The following RGS6 variants were observed in gnomAD, a reference collection of about 807,000 sequenced individuals.
RGS6 encodes the protein regulator of G protein signaling 6.
A neutral mutation model predicts 78.5 loss-of-function variants in RGS6; 30 were observed. The observed-to-expected ratio is 0.38, with a 90% CI of 0.29 to 0.52. The LOEUF (loss-of-function observed/expected upper bound fraction) is 0.52. Ranked by LOEUF, RGS6 falls within the 20% of genes least tolerant of loss-of-function variation. RGS6 has a pLI of 0.85. For missense variants in RGS6, 495 were observed against 609.7 expected (o/e 0.81, Z 1.98); for synonymous variants, 206 against 206.0 (o/e 1.00, Z 0.00).
intron 2 of RGS6, among the ~76,000 whole-genome samples, chr14:71,985,198 A>G (rs960209372): frequency 5.3e-5 from 8 of 151,744 alleles, no homozygotes; most frequent in Non-Finnish European, 1.0e-4. Flanking sequence ...ATCTCGGCTC[A>G]CTGCAACCGC....
intron 2 of RGS6, among the ~76,000 whole-genome samples, chr14:71,992,771 T>C (rs1287527520): frequency 6.6e-6 from 1 of 152,238 alleles, no homozygotes; most frequent in Non-Finnish European, 1.5e-5. Flanking sequence ...TTATATTTCT[T>C]GAGTGGTATA....
At chr14:71,917,649 A>G in the RGS6 span, among the ~76,000 whole-genome samples, 6 of 152,146 alleles carry the variant, frequency 3.9e-5, no homozygotes, top group Non-Finnish European at 7.3e-5. Flanking sequence ...TTAGCTGAAA[A>G]AAACAACACA....
chr14:72,205,370 C>T (rs1044756436), intron 2 of RGS6, among the ~76,000 whole-genome samples: 3 of 152,200 alleles, frequency 2.0e-5, no homozygotes, highest in African/African-American at 7.2e-5. Context: ...AGTTACTTCC[C>T]CTGGAGGGCT....
At chr14:72,059,857 T>G (rs1388694436) in intron 2 of RGS6, among the ~76,000 whole-genome samples, 1 of 152,186 alleles carries the variant, frequency 6.6e-6, no homozygotes, top group Non-Finnish European at 1.5e-5. Context: ...AGCCAGACAC[T>G]GCCTGATCTT....
intron 2 of RGS6, among the ~76,000 whole-genome samples, chr14:72,256,920 G>C (rs2057204581): frequency 6.6e-6 from 1 of 152,152 alleles, no homozygotes; most frequent in Non-Finnish European, 1.5e-5. Context: ...TGAGATTGGG[G>C]CTAGGCCTGC....
chr14:71,991,584 A>G (rs1438775582), intron 2 of RGS6, among the ~76,000 whole-genome samples: 1 of 152,186 alleles, frequency 6.6e-6, no homozygotes, highest in African/African-American at 2.4e-5. Flanking sequence ...TTCCGAAATT[A>G]TAGATAAGCC....
At chr14:72,004,574 C>T (rs2084142389) in intron 2 of RGS6, among the ~76,000 whole-genome samples, 2 of 152,164 alleles carry the variant, frequency 1.3e-5, no homozygotes. Context: ...TGGTTCATGC[C>T]TGTAATCCCA....
chr14:72,627,681 T>A, the RGS6 span, among the ~76,000 whole-genome samples: 1 of 152,056 alleles, frequency 6.6e-6, no homozygotes, highest in Non-Finnish European at 1.5e-5. Flanking sequence ...TCTAACTCCA[T>A]AAAAAAAGTT....
chr14:72,006,520 T>G (rs2084594782), intron 2 of RGS6, among the ~76,000 whole-genome samples: 1 of 152,230 alleles, frequency 6.6e-6, no homozygotes, highest in South Asian at 2.1e-4. Flanking sequence ...GAGGCTCATG[T>G]GGCAAGAGCT....
intron 2 of RGS6, among the ~76,000 whole-genome samples, chr14:72,048,811 G>T (rs951965113): frequency 1.3e-5 from 2 of 151,536 alleles, no homozygotes; most frequent in African/African-American, 2.4e-5. Context: ...ACAGTACATA[G>T]CCATTGCAGT....
intron 2 of RGS6, among the ~76,000 whole-genome samples, chr14:72,158,097 A>G (rs1386671113): frequency 1.3e-5 from 2 of 152,202 alleles, no homozygotes; most frequent in Non-Finnish European, 2.9e-5. Context: ...CCATAAAAAA[A>G]TAGCACAGAC....
intron 2 of RGS6, among the ~76,000 whole-genome samples, chr14:72,133,488 A>G (rs895830160): frequency 2.0e-5 from 3 of 152,052 alleles, no homozygotes; most frequent in Non-Finnish European, 2.9e-5. Flanking sequence ...TAAGTCTACT[A>G]TTACTTACTG....
chr14:72,621,009 C>CGT, the RGS6 span, among the ~76,000 whole-genome samples: 12 of 152,148 alleles, frequency 7.9e-5, no homozygotes, highest in East Asian at 1.7e-3. Context: ...GGCATGGTGG[C>CGT]GTGCACCTGT....
At chr14:72,513,753 C>T (rs1008327416) in intron 14 of RGS6, 1 of 152,288 alleles carries the variant, frequency 6.6e-6, no homozygotes, top group African/African-American at 2.4e-5. Context: ...TGGCTTGACA[C>T]CCTCTGCTGC....
intron 2 of RGS6, among the ~76,000 whole-genome samples, chr14:72,163,712 A>G (rs1208067246): frequency 3.3e-5 from 5 of 152,024 alleles, no homozygotes; most frequent in Admixed American, 6.6e-5. Context: ...GTGAAACCCC[A>G]TCTCCACTAA....
intron 2 of RGS6, among the ~76,000 whole-genome samples, chr14:72,023,237 C>G (rs951659083): frequency 6.6e-6 from 1 of 152,198 alleles, no homozygotes. Context: ...CTAGGGCTTC[C>G]TGGAGCTGGA....
intron 2 of RGS6, among the ~76,000 whole-genome samples, chr14:72,210,676 C>G (rs2043888436): frequency 6.6e-6 from 1 of 152,138 alleles, no homozygotes; most frequent in South Asian, 2.1e-4. Context: ...CAGTGCAAAT[C>G]CTTTTGGAAT....
intron 2 of RGS6, among the ~76,000 whole-genome samples, chr14:72,126,521 G>A (rs2096197059): frequency 6.6e-6 from 1 of 152,238 alleles, no homozygotes; most frequent in Non-Finnish European, 1.5e-5. Flanking sequence ...GTTAAGTGGT[G>A]GTGCTCATTT....
chr14:72,229,458 C>G lies in RGS6; in HGVS notation c.85-122637C>G, dbSNP rs141021282. On this transcript the variant is annotated intron_variant, in intron 2 of 17. Transcript: ENST00000553525. Reference sequence around the variant, plus strand: ...TAGGGCTTCCCATTGTGGGCTGGTACTCCCTACATGTACCCTCCATGTCCT... The same window carrying G: ...TAGGGCTTCCCATTGTGGGCTGGTAGTCCCTACATGTACCCTCCATGTCCT... 2.2e-4 allele frequency among the ~76,000 whole-genome samples: 34 copies of G among 152,252 alleles called. 1 individual carries two copies. In the East Asian group the frequency reaches 6.4e-3, roughly 29 times the overall value.
Sources: gnomAD v4.1 joint callset for allele counts (sites outside exome capture counted in the v4.1 genomes callset) on GRCh38, gnomAD v4.1.1 for gene constraint, MANE v1.5 for transcripts, NCBI Gene and HGNC (gene_info 2026-07-23, HGNC 2026-07-21) for gene names.